DMAC2L: variants seen among roughly 807,000 people sequenced by gnomAD.
The protein encoded by DMAC2L is ATP synthase subunit s, mitochondrial.
A neutral mutation model predicts 22.5 loss-of-function variants in DMAC2L; 21 were observed. The ratio of observed to expected loss-of-function variants is 0.93; its 90% CI spans 0.66 to 1.34. The LOEUF is 1.34. Among genes scored for constraint, DMAC2L ranks in the 40% most tolerant of loss-of-function variants. The pLI is 0.00. For synonymous variants in DMAC2L, 86 were observed against 89.5 expected (o/e 0.96, Z 0.22); for missense variants, 239 against 246.5 (o/e 0.97, Z 0.20).
intron 2 of DMAC2L, chr14:50,319,364 C>G: frequency 6.5e-7 from 1 of 1,533,910 alleles, no homozygotes; most frequent in Non-Finnish European, 8.7e-7. Context: ...TCCTCAATCA[C>G]TTCCTCAGCT....
chr14:50,317,343 T>A (rs1479911394), intron 2 of DMAC2L, among the ~76,000 whole-genome samples: 1 of 152,140 alleles, frequency 6.6e-6, no homozygotes, highest in Non-Finnish European at 1.5e-5. Flanking sequence ...GTCTTTAGGG[T>A]TTTCTAGGCA....
At chr14:50,322,837 C>A (rs1161348221) in intron 4 of DMAC2L, 118 bp downstream of exon 4, 2 of 1,525,994 alleles carry the variant, frequency 1.3e-6, no homozygotes, top group South Asian at 1.2e-5. Context: ...TCATTATAGT[C>A]AAGTTTGTTT....
chr14:50,315,317 G>A (rs75956601), intron 2 of DMAC2L, among the ~76,000 whole-genome samples: 1 of 151,678 alleles, frequency 6.6e-6, no homozygotes, highest in Admixed American at 6.6e-5. Context: ...TCCCACTTTT[G>A]AGTAAGAACA....
upstream of DMAC2L, chr14:50,312,087 C>T: frequency 6.2e-7 from 1 of 1,606,488 alleles, no homozygotes; most frequent in Non-Finnish European, 8.5e-7. Flanking sequence ...CCAGGGGAGC[C>T]ACCGGCGAAA....
chr14:50,321,285 C>T (rs763711689), intron 2 of DMAC2L, 198 bp from the exon 3 acceptor site: 225 of 1,027,980 alleles, frequency 2.2e-4, no homozygotes, highest in Non-Finnish European at 2.8e-4. Flanking sequence ...AGACACCATC[C>T]AGTCCAACCC....
intron 2 of DMAC2L, among the ~76,000 whole-genome samples, chr14:50,317,144 C>T (rs2031871613): frequency 1.3e-5 from 2 of 152,032 alleles, no homozygotes; most frequent in Admixed American, 6.6e-5. Context: ...AGAGGTCATT[C>T]ACCTCCTTGG....
chr14:50,315,428 C>T (rs950965365), intron 2 of DMAC2L, among the ~76,000 whole-genome samples: 2 of 151,212 alleles, frequency 1.3e-5, no homozygotes, highest in Admixed American at 1.3e-4. Flanking sequence ...CTTTGGGAGG[C>T]CAAGGCAGGT....
rs2032504678 is a variant in DMAC2L, at chr14:50,323,990, A to AT, written c.363dup (p.Ile122TyrfsTer4). On this transcript the variant is annotated frameshift_variant, in exon 5 of 6. Coordinates refer to ENST00000557421, the MANE Select transcript of DMAC2L (RefSeq NM_001382507.1). LOFTEE classifies it high-confidence loss of function. ...AAAATAAGGCTGTGCAAGTGTCATT[A>AT]TATCGAGGATGACTGTTTGCTGAGA... The AT allele has an allele frequency of 6.2e-7, 1 of 1,613,782 alleles. No individual in the cohort carries two copies. The highest frequency in any genetic ancestry group is 1.3e-5 in the African/African-American group (1 of 74,928).
Position 50,322,499 on chromosome 14 carries a change from T to A in DMAC2L, c.108-12T>A. 1.3e-6 allele frequency: 2 copies of A among 1,581,426 alleles called. No individual in the cohort carries two copies. Among genetic ancestry groups the A allele is most frequent in the Non-Finnish European group, 1.7e-6 (2 of 1,158,942 alleles). ...TTGTAAAAGCAAACTGCTTTTTTTC[T>A]CTTGCCAACAGGGTGGATTATGATC... On this transcript the variant is annotated splice_polypyrimidine_tract_variant and intron_variant, in intron 3 of 5. Coordinates refer to ENST00000557421, the MANE Select transcript of DMAC2L (RefSeq NM_001382507.1).
At chr14:50,321,949 A>C (rs1233344067) in intron 3 of DMAC2L, among the ~76,000 whole-genome samples, 5 of 152,176 alleles carry the variant, frequency 3.3e-5, no homozygotes, top group Non-Finnish European at 5.9e-5. Context: ...GAATTCTATC[A>C]AAGTAACTTG....
intron 3 of DMAC2L, among the ~76,000 whole-genome samples, chr14:50,322,118 G>C (rs1350308705): frequency 6.6e-6 from 1 of 152,134 alleles, no homozygotes; most frequent in Admixed American, 6.5e-5. Context: ...TTTGACCACA[G>C]ATTCAGAATT....
chr14:50,325,698 T>C lies in DMAC2L; in HGVS notation c.578T>C (p.Leu193Pro), dbSNP rs2139329886. 1 of 1,612,284 alleles carries C rather than the reference T, an allele frequency of 6.2e-7. No individual in the cohort carries two copies. The highest frequency in any genetic ancestry group is 8.5e-7 in the Non-Finnish European group (1 of 1,179,220). Residue 193 changes from leucine (L) to proline (P), a missense_variant, in exon 6 of 6, where the codon CTG becomes CCG. Physicochemically the swap from Leu to Pro is moderately conservative, Grantham distance 98. Coordinates refer to ENST00000557421, the MANE Select transcript of DMAC2L (RefSeq NM_001382507.1). Reference sequence around the variant, plus strand: ...GCCTTTAAGACAGCACTGCCTTCTCTGGAACTAAAATTACAATTGAAGTAA... The same window carrying C: ...GCCTTTAAGACAGCACTGCCTTCTCCGGAACTAAAATTACAATTGAAGTAA... ...VQAFKTALPS[L>P]ELKLQLK
At chr14:50,314,667 G>A (rs112088071) in intron 2 of DMAC2L, 41 bp downstream of exon 2, 1 of 453,668 alleles carries the variant, frequency 2.2e-6, no homozygotes, top group Non-Finnish European at 4.4e-6. Flanking sequence ...TTTGAGACAG[G>A]GTTATGCTCT....
chr14:50,322,794 A>G, intron 4 of DMAC2L, 75 bp downstream of exon 4: 1 of 1,602,052 alleles, frequency 6.2e-7, no homozygotes, highest in South Asian at 1.1e-5. Context: ...TTGACTCACG[A>G]TTATAGTCAT....
chr14:50,319,153 T>G, intron 2 of DMAC2L: 1 of 1,522,858 alleles, frequency 6.6e-7, no homozygotes, highest in Non-Finnish European at 8.8e-7. Context: ...TATTTGTAAA[T>G]AAGATTGACA....
intron 2 of DMAC2L, 189 bp from the exon 3 acceptor site, chr14:50,321,294 C>A: frequency 4.3e-6 from 5 of 1,154,622 alleles, no homozygotes; most frequent in Non-Finnish European, 5.6e-6. Flanking sequence ...CCAGTCCAAC[C>A]CCTCATTTTT....
intron 5 of DMAC2L, among the ~76,000 whole-genome samples, 174 bp from the exon 6 acceptor site, chr14:50,325,433 CTG>C (rs1470901809): frequency 6.6e-6 from 1 of 152,178 alleles, no homozygotes; most frequent in Non-Finnish European, 1.5e-5. Flanking sequence ...AACCCAAAGT[CTG>C]TGTTACTTCC....
intron 4 of DMAC2L, chr14:50,323,150 A>G: frequency 3.8e-6 from 2 of 523,534 alleles, no homozygotes; most frequent in Non-Finnish European, 4.9e-6. Context: ...CAGTGGCGCG[A>G]TCTCAGCTCA....
upstream of DMAC2L, chr14:50,312,147 C>T (rs757418513): frequency 6.2e-7 from 1 of 1,610,046 alleles, no homozygotes; most frequent in Non-Finnish European, 8.5e-7. Flanking sequence ...AGCGCTGGCA[C>T]CATCCCCTAC....
Sources: gnomAD v4.1 joint callset for allele counts (sites outside exome capture counted in the v4.1 genomes callset) on GRCh38, gnomAD v4.1.1 for gene constraint, MANE v1.5 for transcripts, NCBI Gene and HGNC (gene_info 2026-07-23, HGNC 2026-07-21) for gene names.